The following GRIA4 variants were observed in gnomAD, a reference collection of about 807,000 sequenced individuals.
GRIA4 encodes the protein glutamate receptor 4.
A neutral mutation model predicts 104.0 loss-of-function variants in GRIA4; 34 were observed. The ratio of observed to expected loss-of-function variants is 0.33; its 90% confidence interval spans 0.25 to 0.44. GRIA4 has a LOEUF of 0.44. GRIA4 is among the 20% of genes least tolerant of loss of function. The probability of loss-of-function intolerance (pLI) is 1.00; values close to 1 mark genes in which losing one functional copy is unlikely to be tolerated. For synonymous variants in GRIA4, 386 were observed against 381.9 expected, an observed-to-expected ratio of 1.01 and a Z score of -0.13; for missense variants, 750 against 1,096.5, an observed-to-expected ratio of 0.68 and a Z score of 4.46.
intron 5 of GRIA4, among the ~76,000 whole-genome samples, chr11:105,873,432 A>G (rs1391444600): frequency 6.6e-6 from 1 of 152,182 alleles, no homozygotes; most frequent in Non-Finnish European, 1.5e-5. Context: ...CTTTGGGTAT[A>G]TATACCCAGT....
At chr11:105,679,830 C>A (rs1205577004) in intron 3 of GRIA4, among the ~76,000 whole-genome samples, 2 of 152,070 alleles carry the variant, frequency 1.3e-5, no homozygotes, top group African/African-American at 4.8e-5. Context: ...TCAGCAAGAT[C>A]CTCAGCTGGC....
At chr11:105,654,542 CT>C (rs1951786998) in intron 3 of GRIA4, among the ~76,000 whole-genome samples, 1 of 151,922 alleles carries the variant, frequency 6.6e-6, no homozygotes, top group South Asian at 2.1e-4. Flanking sequence ...ATAATGTTAA[CT>C]TTCTTATCTT....
At chr11:105,815,374 GT>G (rs1943334109) in intron 4 of GRIA4, among the ~76,000 whole-genome samples, 1 of 152,120 alleles carries the variant, frequency 6.6e-6, no homozygotes, top group Non-Finnish European at 1.5e-5. Context: ...TTGAGAAATA[GT>G]GTTAGGTGCA....
chr11:105,717,363 C>T (rs1268704119), intron 3 of GRIA4, among the ~76,000 whole-genome samples: 1 of 152,042 alleles, frequency 6.6e-6, no homozygotes, highest in Non-Finnish European at 1.5e-5. Context: ...CCTACCTAAG[C>T]CACTCTAGCA....
At chr11:105,842,424 A>G (rs1944427698) in intron 4 of GRIA4, among the ~76,000 whole-genome samples, 1 of 152,224 alleles carries the variant, frequency 6.6e-6, no homozygotes, top group African/African-American at 2.4e-5. Flanking sequence ...AGAGACCTTA[A>G]GAAACTACTG....
chr11:105,699,039 G>A (rs1953390352), intron 3 of GRIA4, among the ~76,000 whole-genome samples: 1 of 152,192 alleles, frequency 6.6e-6, no homozygotes, highest in Admixed American at 6.5e-5. Flanking sequence ...TCCTGTTTAA[G>A]AGTTTATAGA....
chr11:105,944,905 A>T (rs1323918190), intron 14 of GRIA4, among the ~76,000 whole-genome samples: 1 of 152,176 alleles, frequency 6.6e-6, no homozygotes, highest in African/African-American at 2.4e-5. Flanking sequence ...AAATACAAGC[A>T]CATAGTGTCT....
chr11:105,749,168 C>T (rs1269237643), intron 3 of GRIA4, among the ~76,000 whole-genome samples: 1 of 152,058 alleles, frequency 6.6e-6, no homozygotes, highest in East Asian at 1.9e-4. Context: ...TCAAACATAC[C>T]AGGGTATTCC....
intron 3 of GRIA4, among the ~76,000 whole-genome samples, chr11:105,744,305 G>C (rs1261500934): frequency 6.6e-6 from 1 of 152,106 alleles, no homozygotes; most frequent in Non-Finnish European, 1.5e-5. Flanking sequence ...AGGAATGAGT[G>C]GTAGTGTTAA....
At chr11:105,644,762 G>C (rs983167907) in intron 3 of GRIA4, among the ~76,000 whole-genome samples, 2 of 152,250 alleles carry the variant, frequency 1.3e-5, no homozygotes, top group South Asian at 4.1e-4. Flanking sequence ...TATGCTGAGA[G>C]TTAGGAAATG....
At chr11:105,855,480 G>C (rs1300794241) in intron 4 of GRIA4, among the ~76,000 whole-genome samples, 1 of 151,944 alleles carries the variant, frequency 6.6e-6, no homozygotes, top group African/African-American at 2.4e-5. Context: ...ATTTTATATA[G>C]TGTGATATAT....
At chr11:105,623,388 G>A (rs984655561) in intron 3 of GRIA4, among the ~76,000 whole-genome samples, 4 of 151,718 alleles carry the variant, frequency 2.6e-5, no homozygotes, top group Admixed American at 6.6e-5. Context: ...TATTTGAGCC[G>A]GGGGTACCCT....
At chr11:105,683,526 AG>A (rs1952776148) in intron 3 of GRIA4, among the ~76,000 whole-genome samples, 1 of 152,110 alleles carries the variant, frequency 6.6e-6, no homozygotes, top group Non-Finnish European at 1.5e-5. Context: ...GACATTTTTC[AG>A]GTTTTAATTT....
intron 4 of GRIA4, among the ~76,000 whole-genome samples, chr11:105,827,967 T>C (rs976181810): frequency 6.6e-6 from 1 of 152,044 alleles, no homozygotes; most frequent in Non-Finnish European, 1.5e-5. Context: ...AAAAACCATG[T>C]GGCAAGCACT....
At chr11:105,924,034 CA>C (rs1164424349) in intron 11 of GRIA4, among the ~76,000 whole-genome samples, 2 of 152,098 alleles carry the variant, frequency 1.3e-5, no homozygotes, top group African/African-American at 4.8e-5. Context: ...CGTTCCTGGC[CA>C]GGAAATTCAC....
At chr11:105,631,590 C>T (rs1951037636) in intron 3 of GRIA4, among the ~76,000 whole-genome samples, 2 of 151,950 alleles carry the variant, frequency 1.3e-5, no homozygotes, top group Non-Finnish European at 1.5e-5. Context: ...GTTATTTGCC[C>T]CTGTTAATAT....
chr11:105,905,404 TGTGA>T, intron 9 of GRIA4, 103 bp downstream of exon 9: 1 of 652,070 alleles, frequency 1.5e-6, no homozygotes, highest in South Asian at 1.8e-5. Context: ...TTCCTTTTTT[TGTGA>T]GTACTTACAA....
intron 14 of GRIA4, among the ~76,000 whole-genome samples, chr11:105,936,363 T>C (rs1255831361): frequency 6.6e-6 from 1 of 152,180 alleles, no homozygotes; most frequent in Non-Finnish European, 1.5e-5. Flanking sequence ...TCTTATTCAG[T>C]TCTGTAGAGA....
Position 105,887,510 on chromosome 11 carries a change from T to A in GRIA4, c.673-9T>A. ...ATTGATTTTCTCTTATTTGCTTATATCTTCACAGATTGTAAGTGTTGGAAA... is the reference window on the plus strand; with the variant it reads ...ATTGATTTTCTCTTATTTGCTTATAACTTCACAGATTGTAAGTGTTGGAAA... On this transcript the variant is annotated splice_polypyrimidine_tract_variant and intron_variant, in intron 5 of 16. Transcript: ENST00000282499. 2 of 1,262,380 alleles carry A rather than the reference T, an allele frequency of 1.6e-6. No homozygotes were observed. Among genetic ancestry groups the A allele is most frequent in the East Asian group, 4.9e-5 (2 of 41,002 alleles). 78.2% of individuals were successfully genotyped at this position (1,262,380 alleles called of 1,614,324 possible).
Sources: allele counts gnomAD v4.1 joint callset (sites outside exome capture counted in the v4.1 genomes callset), GRCh38; gene constraint gnomAD v4.1.1; transcripts MANE v1.5; gene names NCBI Gene and HGNC (gene_info 2026-07-23, HGNC 2026-07-21).